NKIRAS1: variants seen among roughly 807,000 people sequenced by gnomAD.
NKIRAS1 encodes the protein NF-kappa-B inhibitor-interacting Ras-like protein 1.
NKIRAS1 carries 16 observed loss-of-function variants against 19.8 expected under a neutral mutation model. That is an observed-to-expected ratio of 0.81 (90% confidence interval 0.55 to 1.23). NKIRAS1 has a LOEUF of 1.23. NKIRAS1 is among the 50% of genes most tolerant of loss of function. The probability of loss-of-function intolerance (pLI) is 0.00; values close to 1 mark genes in which losing one functional copy is unlikely to be tolerated. For synonymous variants in NKIRAS1, 88 were observed against 79.0 expected (o/e 1.11, Z -0.61); for missense variants, 184 against 220.0 (o/e 0.84, Z 1.04).
chr3:23,930,023 G>A (rs1279263531), intron 1 of NKIRAS1, among the ~76,000 whole-genome samples: 1 of 152,048 alleles, frequency 6.6e-6, no homozygotes, highest in African/African-American at 2.4e-5. Flanking sequence ...ACACTCCAGG[G>A]ACAACTAGAA....
intron 1 of NKIRAS1, among the ~76,000 whole-genome samples, chr3:23,932,724 T>C (rs1463388617): frequency 6.6e-6 from 1 of 152,050 alleles, no homozygotes; most frequent in East Asian, 1.9e-4. Flanking sequence ...TTCTATAGTT[T>C]TAGGAAGAAA....
chr3:23,926,339 A>G lies in NKIRAS1; in HGVS notation c.-139-14889T>C, dbSNP rs200471949. 7.2e-5 allele frequency among the ~76,000 whole-genome samples: 11 copies of G among 152,328 alleles called. 1 individual carries two copies. The East Asian group carries it at 1.7e-3, about 24-fold the overall frequency. On this transcript the variant is annotated intron_variant, in intron 1 of 4. Transcript: ENST00000421515. The surrounding 1 kb of genome is among the most constrained non-coding windows in gnomAD (Gnocchi z 4.3). ...AGTGCTGGGATTATAGGTATGAGCCATGGCGCCCGGCCATAGTACTGACTT... is the reference window on the plus strand; with the variant it reads ...AGTGCTGGGATTATAGGTATGAGCCGTGGCGCCCGGCCATAGTACTGACTT...
At chr3:23,894,809 T>G (rs1192342070) in intron 4 of NKIRAS1, among the ~76,000 whole-genome samples, 1 of 152,170 alleles carries the variant, frequency 6.6e-6, no homozygotes. Context: ...AAGCTGATGC[T>G]ATCAGTCTGT....
intron 1 of NKIRAS1, among the ~76,000 whole-genome samples, chr3:23,945,938 G>T (rs1705674723): frequency 6.6e-6 from 1 of 151,096 alleles, no homozygotes; most frequent in South Asian, 2.1e-4. Context: ...TACATAATGG[G>T]CGCTGAGGCG....
Position 23,922,171 on chromosome 3 carries a change from G to A in NKIRAS1, c.-139-10721C>T, listed in dbSNP as rs1466182286. 2 of 152,832 alleles carry A rather than the reference G, an allele frequency of 1.3e-5. No homozygotes were observed. Among genetic ancestry groups the A allele is most frequent in the African/African-American group, 2.4e-5 (1 of 41,454 alleles). 9.5% of individuals were successfully genotyped at this position (152,832 alleles called of 1,614,324 possible). A position where few individuals can be genotyped will look rare whatever the true frequency, so the allele number is the denominator to read the frequency against. ...AAAAATAACAAATCAGCTGGGCATG[G>A]TGTTGCACGCCTGTAGTCTCCGAAA... On this transcript the variant is annotated intron_variant, in intron 1 of 4. Transcript: ENST00000421515. The surrounding 1 kb of genome is among the most constrained non-coding windows in gnomAD (Gnocchi z 4.2).
rs1345887297 is a variant in NKIRAS1 at position 23,945,814 on chromosome 3, C to CGCCCG, written c.-140+504_-140+508dup. Among the ~76,000 whole-genome samples the CGCCCG allele has an allele frequency of 2.4e-4, 36 of 150,666 alleles. No homozygotes were observed. The East Asian group carries it at 3.7e-3, about 16-fold the overall frequency. ...GCAAAGCCGCAGCGCGGCCTGCCGG[C>CGCCCG]GCCCGGCCCGGCCCCCCCCTCACAT... is the stretch of plus-strand genomic sequence containing the variant. On this transcript the variant is annotated intron_variant, in intron 1 of 4. Transcript: ENST00000421515.
At chr3:23,945,575 C>T in intron 1 of NKIRAS1, 2 of 1,171,548 alleles carry the variant, frequency 1.7e-6, no homozygotes, top group Non-Finnish European at 2.1e-6. Context: ...TCCGCGAGGG[C>T]ACCATGGAGG....
upstream of NKIRAS1, chr3:23,919,606 G>T: frequency 7.0e-7 from 1 of 1,422,764 alleles, no homozygotes; most frequent in South Asian, 1.6e-5. Context: ...GATGTTTCTT[G>T]AATGCTTTGT....
At chr3:23,939,772 A>C (rs1226038708) in intron 1 of NKIRAS1, among the ~76,000 whole-genome samples, 1 of 152,172 alleles carries the variant, frequency 6.6e-6, no homozygotes, top group African/African-American at 2.4e-5. Flanking sequence ...AACAAAAAAC[A>C]AAAAAGGGAA....
At chr3:23,921,570 G>GTTGTTTTTTT, upstream of NKIRAS1, 1 of 508,318 alleles carries the variant, frequency 2.0e-6, no homozygotes, top group Admixed American at 3.1e-5. Flanking sequence ...TGATTATTGA[G>GTTGTTTTTTT]TTTTTTTTTT....
At chr3:23,907,950 A>G (rs1400876318) in intron 3 of NKIRAS1, among the ~76,000 whole-genome samples, 2 of 152,228 alleles carry the variant, frequency 1.3e-5, no homozygotes, top group South Asian at 2.1e-4. Flanking sequence ...TGTATTTACA[A>G]TATTTGACAA....
intron 1 of NKIRAS1, among the ~76,000 whole-genome samples, chr3:23,935,845 C>CA (rs1705382324): frequency 6.6e-6 from 1 of 151,952 alleles, no homozygotes; most frequent in Non-Finnish European, 1.5e-5. Context: ...TTTGGGAGGC[C>CA]AAGGCAGGAG....
chr3:23,920,516 T>G, upstream of NKIRAS1: 5 of 985,272 alleles, frequency 5.1e-6, no homozygotes, highest in Non-Finnish European at 6.0e-6. Flanking sequence ...CACATTGCAT[T>G]TCTGTTTGCA....
At chr3:23,945,528 C>CGG in intron 1 of NKIRAS1, 1 of 959,620 alleles carries the variant, frequency 1.0e-6, no homozygotes, top group Non-Finnish European at 1.3e-6. Flanking sequence ...GGCGGCGGCG[C>CGG]TGCCCCCTCT....
At chr3:23,930,219 G>A (rs7632867) in intron 1 of NKIRAS1, among the ~76,000 whole-genome samples, 95,320 of 151,924 alleles carry the variant, frequency 0.63, 30,160 homozygotes, top group Middle Eastern at 0.72. Context: ...TAGAAGGGGT[G>A]GCTGAGTGCG....
chr3:23,945,229 G>A (rs1255397255), intron 1 of NKIRAS1: 3 of 151,264 alleles, frequency 2.0e-5, no homozygotes, highest in Non-Finnish European at 3.0e-5. Flanking sequence ...GGCCGGCCGA[G>A]GGCGGGCGGA....
chr3:23,914,802 T>C (rs750471822), intron 1 of NKIRAS1, among the ~76,000 whole-genome samples: 19 of 152,262 alleles, frequency 1.2e-4, no homozygotes, highest in Admixed American at 3.9e-4. Flanking sequence ...TAGCAGTGAT[T>C]ATTCACACTA....
At chr3:23,915,084 T>A (rs4858556) in intron 1 of NKIRAS1, among the ~76,000 whole-genome samples, 27,092 of 152,152 alleles carry the variant, frequency 0.18, 3,330 homozygotes, top group African/African-American at 0.34. Context: ...TACATACTCA[T>A]ACAAGAATTT....
chr3:23,895,757 CCTT>C (rs1701917839), intron 4 of NKIRAS1, among the ~76,000 whole-genome samples: 1 of 152,124 alleles, frequency 6.6e-6, no homozygotes, highest in South Asian at 2.1e-4. Context: ...CCTTTGGTGC[CCTT>C]CTACAAGTTC....
Sources: gnomAD v4.1 joint callset for allele counts (sites outside exome capture counted in the v4.1 genomes callset) on GRCh38, gnomAD v4.1.1 for gene constraint, Gnocchi (gnomAD v3.1) non-coding constraint, MANE v1.5 for transcripts, NCBI Gene and HGNC (gene_info 2026-07-23, HGNC 2026-07-21) for gene names.